Variants in RAD18 observed in about 807,000 individuals in gnomAD.
RAD18 encodes the protein E3 ubiquitin-protein ligase RAD18.
Under a neutral mutation model 60.4 loss-of-function variants are expected in RAD18, and 47 were observed. The observed-to-expected ratio is 0.78, with a 90% CI of 0.62 to 0.99. The LOEUF (loss-of-function observed/expected upper bound fraction) is 0.99. RAD18 is among the 50% of genes least tolerant of loss of function. The pLI, the probability that RAD18 is intolerant of heterozygous loss-of-function variation, is 0.00. For synonymous variants in RAD18, 225 were observed against 195.5 expected (o/e 1.15, Z -1.26); for missense variants, 640 against 593.3 (o/e 1.08, Z -0.82).
intron 7 of RAD18, 83 bp downstream of exon 7, chr3:8,935,788 T>C: frequency 8.1e-7 from 1 of 1,241,338 alleles, no homozygotes; most frequent in South Asian, 1.7e-5. Context: ...ATTTACAATA[T>C]TTTTCTATGG....
At chr3:8,947,094 T>TA in intron 4 of RAD18, 126 bp downstream of exon 4, 2 of 726,680 alleles carry the variant, frequency 2.8e-6, no homozygotes, top group African/African-American at 3.6e-5. Context: ...TAATGACTGT[T>TA]ACTTCCCTTC....
chr3:8,909,461 G>A (rs1194096673), intron 9 of RAD18, among the ~76,000 whole-genome samples: 1 of 151,992 alleles, frequency 6.6e-6, no homozygotes, highest in East Asian at 1.9e-4. Flanking sequence ...ACGGACTCGG[G>A]GGATATTTAG....
intron 11 of RAD18, among the ~76,000 whole-genome samples, chr3:8,892,240 C>G (rs1939703789): frequency 6.6e-6 from 1 of 152,156 alleles, no homozygotes; most frequent in South Asian, 2.1e-4. Flanking sequence ...ACTATTTGGT[C>G]TTGAAACATT....
chr3:8,922,598 G>C (rs1940344153), intron 7 of RAD18, among the ~76,000 whole-genome samples: 3 of 152,202 alleles, frequency 2.0e-5, no homozygotes, highest in Non-Finnish European at 4.4e-5. Context: ...CTTTAGATCT[G>C]AGAATGGACA....
At chr3:8,895,702 TA>T in intron 11 of RAD18, among the ~76,000 whole-genome samples, 1 of 152,206 alleles carries the variant, frequency 6.6e-6, no homozygotes, top group East Asian at 1.9e-4. Flanking sequence ...TCAAATGACA[TA>T]AAAGATGTAT....
At chr3:8,908,128 G>A (rs1940044650) in intron 9 of RAD18, among the ~76,000 whole-genome samples, 1 of 152,148 alleles carries the variant, frequency 6.6e-6, no homozygotes, top group Admixed American at 6.5e-5. Context: ...TTTCCTTTGG[G>A]TTAAAGGAAT....
At chr3:8,894,481 A>C (rs1939751054) in intron 11 of RAD18, among the ~76,000 whole-genome samples, 1 of 152,292 alleles carries the variant, frequency 6.6e-6, no homozygotes, top group Middle Eastern at 3.4e-3. Flanking sequence ...AAAAAAAGCT[A>C]TTATTCCATT....
Position 8,933,475 on chromosome 3 carries a change from A to T in RAD18, c.889+2396T>A, listed in dbSNP as rs1029023209. ...TGTATTACATGTGAGTAAGTTATAC[A>T]TCAATAAAAAGGGCACATACAAAAA... On this transcript the variant is annotated intron_variant, in intron 7 of 12. Coordinates refer to ENST00000264926, the MANE Select transcript of RAD18 (RefSeq NM_020165.4). Among the ~76,000 whole-genome samples, 12 of 152,360 alleles carry T rather than the reference A, an allele frequency of 7.9e-5. No homozygotes were observed. The East Asian group carries it at 2.1e-3, about 27-fold the overall frequency.
intron 4 of RAD18, chr3:8,946,910 C>A: frequency 4.3e-6 from 1 of 235,046 alleles, no homozygotes; most frequent in Admixed American, 5.6e-5. Context: ...AGAGGAGCTC[C>A]TTGGAGAAAT....
At chr3:8,908,680 T>C (rs1940056277) in intron 9 of RAD18, among the ~76,000 whole-genome samples, 1 of 152,202 alleles carries the variant, frequency 6.6e-6, no homozygotes, top group South Asian at 2.1e-4. Context: ...TTGGCAACCC[T>C]AGCACACTAA....
chr3:8,949,569 T>C (rs1940895837), intron 2 of RAD18, among the ~76,000 whole-genome samples: 1 of 152,154 alleles, frequency 6.6e-6, no homozygotes, highest in South Asian at 2.1e-4. Context: ...CACTCTGTCC[T>C]AACAAGTAAA....
intron 7 of RAD18, among the ~76,000 whole-genome samples, chr3:8,920,234 G>GT (rs1429217367): frequency 6.8e-6 from 1 of 146,784 alleles, no homozygotes; most frequent in Non-Finnish European, 1.5e-5. Context: ...AGCCGAGATC[G>GT]TGCCACTGCA....
rs540238574 is a variant in RAD18, at chr3:8,958,306, T to A, written c.133+614A>T. On this transcript the variant is annotated intron_variant, in intron 2 of 12. Transcript: ENST00000264926. ...GGACAAGAAAGATCATGAACCTGAA[T>A]AACCCATAAACTGTATGTCTAGCTC... 2.6e-5 allele frequency among the ~76,000 whole-genome samples: 4 copies of A among 152,352 alleles called. No homozygotes were observed. In the South Asian group the frequency reaches 8.3e-4, roughly 32 times the overall value.
chr3:8,903,153 G>A (rs1222732960), intron 9 of RAD18, among the ~76,000 whole-genome samples: 1 of 152,168 alleles, frequency 6.6e-6, no homozygotes, highest in Non-Finnish European at 1.5e-5. Context: ...GAGTGTCATG[G>A]AACCTTCTTT....
At chr3:8,917,127 T>A (rs1940214876) in intron 7 of RAD18, among the ~76,000 whole-genome samples, 2 of 152,042 alleles carry the variant, frequency 1.3e-5, no homozygotes, top group South Asian at 4.1e-4. Flanking sequence ...ACACTTCTCA[T>A]CAGAAATTAT....
intron 7 of RAD18, among the ~76,000 whole-genome samples, chr3:8,928,240 CAGTT>C (rs1940483337): frequency 6.6e-6 from 1 of 151,626 alleles, no homozygotes; most frequent in Non-Finnish European, 1.5e-5. Context: ...AAAAAATACT[CAGTT>C]AATCCAAAAA....
At chr3:8,938,417 G>A (rs45622342) in intron 6 of RAD18, among the ~76,000 whole-genome samples, 70 of 152,146 alleles carry the variant, frequency 4.6e-4, no homozygotes, top group African/African-American at 1.6e-3. Flanking sequence ...CTATGGCTCT[G>A]TCTTATTAAC....
At chr3:8,903,519 G>A (rs1448737489) in intron 9 of RAD18, among the ~76,000 whole-genome samples, 5 of 151,956 alleles carry the variant, frequency 3.3e-5, no homozygotes, top group South Asian at 2.1e-4. Context: ...CTTATCTTAC[G>A]ATACTATACT....
At chr3:8,913,553 G>T in intron 8 of RAD18, 91 bp downstream of exon 8, 1 of 917,776 alleles carries the variant, frequency 1.1e-6, no homozygotes, top group Non-Finnish European at 1.6e-6. Context: ...GTTAGTAAAT[G>T]AATAAATTTA....
Sources: gnomAD v4.1 joint callset for allele counts (sites outside exome capture counted in the v4.1 genomes callset) on GRCh38, gnomAD v4.1.1 for gene constraint, MANE v1.5 for transcripts, NCBI Gene and HGNC (gene_info 2026-07-23, HGNC 2026-07-21) for gene names.